AKAP6: variants seen among roughly 807,000 people sequenced by gnomAD.
AKAP6 encodes the protein A-kinase anchor protein 6.
AKAP6 carries 58 observed loss-of-function variants against 188.5 expected under a neutral mutation model. The ratio of observed to expected loss-of-function variants is 0.31; its 90% CI spans 0.25 to 0.38. The LOEUF is 0.38. Ranked by LOEUF, AKAP6 falls within the 10% of genes least tolerant of loss-of-function variation. The pLI is 1.00. For missense variants in AKAP6, 2,710 were observed against 2,740.0 expected (o/e 0.99, Z 0.24); for synonymous variants, 989 against 998.6 (o/e 0.99, Z 0.18).
intron 7 of AKAP6, among the ~76,000 whole-genome samples, chr14:32,629,676 CATT>C (rs1324258710): frequency 8.3e-6 from 1 of 120,768 alleles, no homozygotes. Flanking sequence ...TGCATATAAG[CATT>C]TTTTTTTTTT....
intron 12 of AKAP6, among the ~76,000 whole-genome samples, chr14:32,786,298 C>CTTTTTTTTTTTTTTTTTT (rs1162974012): frequency 1.5e-4 from 12 of 82,558 alleles, no homozygotes; most frequent in Non-Finnish European, 2.1e-4. Context: ...AAACCTTTAT[C>CTTTTTTTTTTTTTTTTTT]TTTTTTTTTT....
chr14:32,696,114 A>G lies in AKAP6; in HGVS notation c.3000+4A>G, dbSNP rs1233355296. On this transcript the variant is annotated splice_donor_region_variant and intron_variant, in intron 9 of 13. Coordinates refer to ENST00000280979, the MANE Select transcript of AKAP6 (RefSeq NM_004274.5). Reference sequence around the variant, plus strand: ...GCAGCAGCAGCATCTTTACAAGGTTAGAGCTACCCTTCCTGCCTTTACCTT... The same window carrying G: ...GCAGCAGCAGCATCTTTACAAGGTTGGAGCTACCCTTCCTGCCTTTACCTT... 4 of 1,597,874 alleles carry G rather than the reference A, an allele frequency of 2.5e-6. No individual in the cohort carries two copies. Among genetic ancestry groups the G allele is most frequent in the African/African-American group, 1.4e-5 (1 of 73,772 alleles).
At chr14:32,417,375 T>TA (rs890836710) in intron 1 of AKAP6, among the ~76,000 whole-genome samples, 4 of 152,152 alleles carry the variant, frequency 2.6e-5, no homozygotes, top group Non-Finnish European at 5.9e-5. Context: ...GCAGATACTT[T>TA]AAAAAAATAT....
chr14:32,709,191 A>T (rs1890937506), intron 9 of AKAP6, among the ~76,000 whole-genome samples: 1 of 152,104 alleles, frequency 6.6e-6, no homozygotes, highest in African/African-American at 2.4e-5. Context: ...GTTTACAAAA[A>T]GATCCAGGGA....
chr14:32,585,151 A>T (rs553152479), intron 5 of AKAP6, among the ~76,000 whole-genome samples: 5 of 152,260 alleles, frequency 3.3e-5, no homozygotes, highest in African/African-American at 9.6e-5. Flanking sequence ...TGCTCCTGAA[A>T]TGGTAACTCT....
chr14:32,433,519 C>T lies in AKAP6; in HGVS notation c.26C>T (p.Ser9Phe), dbSNP rs1159116280. MLTMSVTL[S>F]PLRSQDLDPM... ...ATGTTAACCATGAGCGTGACACTTT[C>T]CCCCCTGAGGTCACAGGACCTGGAT... Residue 9 changes from serine (S) to phenylalanine (F), a missense_variant, in exon 2 of 14, where the codon TCC becomes TTC. Transcript: ENST00000280979. 2 of 1,613,900 alleles carry T rather than the reference C, an allele frequency of 1.2e-6. No individual in the cohort carries two copies. The highest frequency in any genetic ancestry group is 1.3e-5 in the African/African-American group (1 of 74,918).
At chr14:32,505,389 G>C (rs1450474033) in intron 2 of AKAP6, among the ~76,000 whole-genome samples, 2 of 151,496 alleles carry the variant, frequency 1.3e-5, no homozygotes, top group African/African-American at 4.9e-5. Flanking sequence ...AGGCAAATGA[G>C]GGACTTCTCA....
intron 1 of AKAP6, among the ~76,000 whole-genome samples, chr14:32,386,552 G>C (rs72666179): frequency 0.06 from 9,191 of 152,100 alleles, 484 homozygotes; most frequent in South Asian, 0.25. Flanking sequence ...CCCATTCTTG[G>C]GTTGTTCGTT....
chr14:32,808,676 C>A (rs989687866), intron 12 of AKAP6, among the ~76,000 whole-genome samples: 4 of 152,150 alleles, frequency 2.6e-5, no homozygotes, highest in Admixed American at 6.5e-5. Context: ...AAAAGCAATT[C>A]TTCCGTTTTT....
At chr14:32,517,047 A>T (rs1050429523) in intron 2 of AKAP6, among the ~76,000 whole-genome samples, 1 of 152,226 alleles carries the variant, frequency 6.6e-6, no homozygotes, top group Non-Finnish European at 1.5e-5. Flanking sequence ...ACTGCAGTGA[A>T]TCAAAAGTGG....
At chr14:32,585,227 C>T (rs541450800) in intron 5 of AKAP6, among the ~76,000 whole-genome samples, 17 of 152,226 alleles carry the variant, frequency 1.1e-4, no homozygotes, top group South Asian at 4.2e-4. Flanking sequence ...GACAAACCAG[C>T]GCTTCTTTTA....
intron 1 of AKAP6, among the ~76,000 whole-genome samples, chr14:32,379,637 T>C (rs1473679567): frequency 2.0e-5 from 3 of 152,136 alleles, no homozygotes; most frequent in Non-Finnish European, 4.4e-5. Flanking sequence ...CATCATTGTT[T>C]GGTATGTAGA....
At chr14:32,726,451 G>A (rs1408767151) in intron 9 of AKAP6, among the ~76,000 whole-genome samples, 1 of 152,208 alleles carries the variant, frequency 6.6e-6, no homozygotes, top group Non-Finnish European at 1.5e-5. Flanking sequence ...TTTGTAATTT[G>A]ATTCCAGGAA....
At chr14:32,731,267 C>T (rs1345767446) in intron 9 of AKAP6, among the ~76,000 whole-genome samples, 2 of 152,082 alleles carry the variant, frequency 1.3e-5, no homozygotes, top group South Asian at 2.1e-4. Context: ...ATCTATTAAC[C>T]GAAACAGTGA....
intron 7 of AKAP6, among the ~76,000 whole-genome samples, chr14:32,631,190 C>G (rs1887256826): frequency 6.6e-6 from 1 of 151,942 alleles, no homozygotes. Context: ...TGAAATACCT[C>G]ATCTGTTGTT....
At chr14:32,627,713 T>TA (rs1256260537) in intron 7 of AKAP6, among the ~76,000 whole-genome samples, 1 of 152,140 alleles carries the variant, frequency 6.6e-6, no homozygotes, top group Non-Finnish European at 1.5e-5. Context: ...TCTCTCTTGT[T>TA]AAAATCACCT....
chr14:32,365,893 G>A (rs1000217959), intron 1 of AKAP6, among the ~76,000 whole-genome samples: 1 of 152,036 alleles, frequency 6.6e-6, no homozygotes, highest in Admixed American at 6.6e-5. Flanking sequence ...CTGCCTTAGG[G>A]GACAGGTGTC....
At chr14:32,633,801 A>G (rs1217654033) in intron 7 of AKAP6, among the ~76,000 whole-genome samples, 1 of 152,090 alleles carries the variant, frequency 6.6e-6, no homozygotes, top group East Asian at 1.9e-4. Flanking sequence ...TACCAAATAC[A>G]ATAACCAAAG....
At chr14:32,733,560 A>G (rs1007285404) in intron 10 of AKAP6, 1 of 152,176 alleles carries the variant, frequency 6.6e-6, no homozygotes, top group Admixed American at 6.6e-5. Flanking sequence ...TACCTTGATG[A>G]TTTGGAGGAA....
Sources: allele counts gnomAD v4.1 joint callset (sites outside exome capture counted in the v4.1 genomes callset), GRCh38; gene constraint gnomAD v4.1.1; transcripts MANE v1.5; gene names NCBI Gene and HGNC (gene_info 2026-07-23, HGNC 2026-07-21).